Variants in RABGAP1L observed in about 807,000 individuals in gnomAD.
RABGAP1L encodes RAB GTPase activating protein 1 like.
Under a neutral mutation model 137.7 loss-of-function variants are expected in RABGAP1L, and 63 were observed. That is an observed-to-expected ratio of 0.46 (90% CI 0.37 to 0.56). RABGAP1L has a LOEUF of 0.56. Ranked by LOEUF, RABGAP1L falls within the 20% of genes least tolerant of loss-of-function variation. RABGAP1L has a pLI of 0.00. For synonymous variants in RABGAP1L, 431 were observed against 433.7 expected, an observed-to-expected ratio of 0.99 and a Z score of 0.08; for missense variants, 1,095 against 1,244.0, an observed-to-expected ratio of 0.88 and a Z score of 1.80.
At chr1:174,826,949 G>A (rs1287733044) in intron 19 of RABGAP1L, among the ~76,000 whole-genome samples, 2 of 152,134 alleles carry the variant, frequency 1.3e-5, no homozygotes, top group African/African-American at 4.8e-5. Flanking sequence ...TAGACTGGGA[G>A]GCTTAAACAA....
intron 10 of RABGAP1L, among the ~76,000 whole-genome samples, chr1:174,283,647 C>T (rs927322005): frequency 2.6e-5 from 4 of 152,094 alleles, no homozygotes; most frequent in Non-Finnish European, 4.4e-5. Flanking sequence ...GCTGGGACTA[C>T]AGGTACCCAC....
At chr1:174,536,064 A>G (rs2147911166) in intron 13 of RABGAP1L, among the ~76,000 whole-genome samples, 1 of 152,198 alleles carries the variant, frequency 6.6e-6, no homozygotes. Flanking sequence ...TCTGTAGGAA[A>G]TCTTGTCCTT....
At chr1:174,205,286 T>C (rs746055243) in intron 1 of RABGAP1L, among the ~76,000 whole-genome samples, 20 of 151,750 alleles carry the variant, frequency 1.3e-4, no homozygotes, top group Admixed American at 1.2e-3. Context: ...TTTATCAGGA[T>C]GGTGCTGGCC....
intron 5 of RABGAP1L, among the ~76,000 whole-genome samples, chr1:174,249,614 T>A (rs1355379489): frequency 1.3e-5 from 2 of 151,598 alleles, no homozygotes; most frequent in Non-Finnish European, 2.9e-5. Context: ...TTTTTTTTTT[T>A]AAAGTAAAAG....
chr1:174,574,388 G>A (rs977967880), intron 13 of RABGAP1L, among the ~76,000 whole-genome samples: 1 of 151,722 alleles, frequency 6.6e-6, no homozygotes, highest in East Asian at 1.9e-4. Flanking sequence ...TTTTTTAATC[G>A]ATTTACGTCT....
At chr1:174,419,234 A>G (rs1034998174) in intron 13 of RABGAP1L, among the ~76,000 whole-genome samples, 1 of 152,202 alleles carries the variant, frequency 6.6e-6, no homozygotes, top group East Asian at 1.9e-4. Context: ...TTTAATGTGC[A>G]TTCAAACCAC....
intron 10 of RABGAP1L, among the ~76,000 whole-genome samples, chr1:174,295,614 G>A (rs1287858044): frequency 1.3e-5 from 2 of 151,408 alleles, no homozygotes; most frequent in East Asian, 3.9e-4. Context: ...TCAAACTCCT[G>A]ACATTGTGAT....
intron 14 of RABGAP1L, among the ~76,000 whole-genome samples, chr1:174,673,481 T>C (rs1049712657): frequency 6.6e-5 from 10 of 152,168 alleles, no homozygotes; most frequent in African/African-American, 2.2e-4. Context: ...GTGACCAAGA[T>C]GCTATCAGGT....
At chr1:174,191,897 C>T (rs1667236033) in intron 1 of RABGAP1L, among the ~76,000 whole-genome samples, 1 of 152,132 alleles carries the variant, frequency 6.6e-6, no homozygotes, top group Admixed American at 6.6e-5. Flanking sequence ...AGAAATACAT[C>T]TACATTAATC....
intron 11 of RABGAP1L, among the ~76,000 whole-genome samples, chr1:174,360,096 G>A (rs1349015950): frequency 3.3e-5 from 5 of 152,044 alleles, no homozygotes; most frequent in Admixed American, 3.3e-4. Context: ...GGTTTTTATA[G>A]TTCTAATATC....
At chr1:174,603,771 C>T (rs1391377428) in intron 13 of RABGAP1L, among the ~76,000 whole-genome samples, 3 of 151,832 alleles carry the variant, frequency 2.0e-5, no homozygotes, top group Non-Finnish European at 2.9e-5. Flanking sequence ...TGATGAATGC[C>T]GCCAGAACTG....
chr1:174,391,416 A>T (rs1008909904), intron 12 of RABGAP1L, among the ~76,000 whole-genome samples: 1 of 152,218 alleles, frequency 6.6e-6, no homozygotes, highest in Non-Finnish European at 1.5e-5. Flanking sequence ...TCTGAGGCTC[A>T]GGTGATTCTC....
At chr1:174,327,986 C>CGT (rs1680635976) in intron 11 of RABGAP1L, among the ~76,000 whole-genome samples, 73 of 53,582 alleles carry the variant, frequency 1.4e-3, no homozygotes, top group African/African-American at 7.8e-3. Flanking sequence ...TATACACACA[C>CGT]ATATATATAT....
At chr1:174,724,332 A>G (rs1681814154) in intron 17 of RABGAP1L, among the ~76,000 whole-genome samples, 1 of 152,228 alleles carries the variant, frequency 6.6e-6, no homozygotes. Context: ...ATGGAAATCT[A>G]AAAAGACTCA....
At chr1:174,661,444 A>C (rs1481580533) in intron 14 of RABGAP1L, among the ~76,000 whole-genome samples, 2 of 152,162 alleles carry the variant, frequency 1.3e-5, no homozygotes, top group African/African-American at 4.8e-5. Flanking sequence ...GGTACTGAAA[A>C]ATTTTAATAA....
At chr1:174,491,616 T>G (rs1558279658) in intron 13 of RABGAP1L, among the ~76,000 whole-genome samples, 2 of 152,046 alleles carry the variant, frequency 1.3e-5, no homozygotes, top group East Asian at 3.9e-4. Flanking sequence ...GTCCCCCCAG[T>G]CCACTGGCTC....
At chr1:174,166,345 A>T (rs982656000) in intron 1 of RABGAP1L, among the ~76,000 whole-genome samples, 1 of 152,088 alleles carries the variant, frequency 6.6e-6, no homozygotes, top group African/African-American at 2.4e-5. Context: ...TTTCTAAATG[A>T]CTGGATCTTA....
chr1:174,876,967 C>A (rs1013615058), intron 19 of RABGAP1L, among the ~76,000 whole-genome samples: 2 of 151,754 alleles, frequency 1.3e-5, no homozygotes, highest in Admixed American at 1.3e-4. Flanking sequence ...TGGTTTTCAT[C>A]TGTTTATTTT....
chr1:174,978,945 ATTTT>A, intron 23 of RABGAP1L, 55 bp downstream of exon 23: 5 of 1,164,666 alleles, frequency 4.3e-6, no homozygotes, highest in Non-Finnish European at 5.7e-6. Flanking sequence ...TATAAAAGTA[ATTTT>A]TTTTTTTTTG....
Sources: allele counts gnomAD v4.1 joint callset (sites outside exome capture counted in the v4.1 genomes callset), GRCh38; gene constraint gnomAD v4.1.1; transcripts MANE v1.5; gene names NCBI Gene and HGNC (gene_info 2026-07-23, HGNC 2026-07-21).